LRRFIP2: variants seen among roughly 807,000 people sequenced by gnomAD.
LRRFIP2 encodes leucine-rich repeat flightless-interacting protein 2.
Under a neutral mutation model 125.9 loss-of-function variants are expected in LRRFIP2, and 109 were observed. The ratio of observed to expected loss-of-function variants is 0.87; its 90% CI spans 0.74 to 1.01. LRRFIP2 has a LOEUF of 1.01. Ranked by LOEUF, LRRFIP2 falls within the 50% of genes least tolerant of loss-of-function variation. The probability of loss-of-function intolerance (pLI) is 0.00; values close to 1 mark genes in which losing one functional copy is unlikely to be tolerated. For synonymous variants in LRRFIP2, 291 were observed against 293.1 expected (o/e 0.99, Z 0.07); for missense variants, 850 against 862.3 (o/e 0.99, Z 0.18).
intron 1 of LRRFIP2, among the ~76,000 whole-genome samples, chr3:37,165,837 G>GA (rs1406936035): frequency 6.9e-6 from 1 of 145,942 alleles, no homozygotes; most frequent in African/African-American, 2.5e-5. Context: ...AAGAAAGAAA[G>GA]AAAGAAAGAA....
chr3:37,165,797 G>GAAAGAAAGAAAA (rs1220788755), intron 1 of LRRFIP2, among the ~76,000 whole-genome samples: 7,181 of 31,424 alleles, frequency 0.23, 586 homozygotes, highest in African/African-American at 0.29. Context: ...GAAAGAAAGA[G>GAAAGAAAGAAAA]AAAGAAAGAA....
At chr3:37,140,628 G>A (rs1346196528) in intron 2 of LRRFIP2, among the ~76,000 whole-genome samples, 1 of 150,368 alleles carries the variant, frequency 6.7e-6, no homozygotes, top group Non-Finnish European at 1.5e-5. Flanking sequence ...GCTCTAATCT[G>A]GGAGACAGAA....
intron 13 of LRRFIP2, among the ~76,000 whole-genome samples, 192 bp from the exon 14 acceptor site, chr3:37,105,715 T>A (rs2094287814): frequency 6.6e-6 from 1 of 152,170 alleles, no homozygotes; most frequent in African/African-American, 2.4e-5. Flanking sequence ...TTATTAAAAA[T>A]CAGGAGACAT....
At chr3:37,095,857 G>A (rs1201434257) in intron 16 of LRRFIP2, among the ~76,000 whole-genome samples, 1 of 152,156 alleles carries the variant, frequency 6.6e-6, no homozygotes, top group East Asian at 1.9e-4. Flanking sequence ...GTGTTGGTCA[G>A]ACTGGTCTCG....
At chr3:37,155,325 T>A (rs2096152855) in intron 1 of LRRFIP2, among the ~76,000 whole-genome samples, 1 of 152,178 alleles carries the variant, frequency 6.6e-6, no homozygotes, top group Non-Finnish European at 1.5e-5. Context: ...AAAAAAGCAA[T>A]CCTTTTCATA....
chr3:37,139,139 C>T (rs1210719891), intron 2 of LRRFIP2, among the ~76,000 whole-genome samples: 3 of 138,904 alleles, frequency 2.2e-5, no homozygotes, highest in Admixed American at 7.5e-5. Context: ...GAACACTGCA[C>T]GATTTAAACA....
intron 1 of LRRFIP2, among the ~76,000 whole-genome samples, chr3:37,152,188 A>AC (rs1357448539): frequency 1.3e-5 from 2 of 152,232 alleles, no homozygotes; most frequent in African/African-American, 4.8e-5. Context: ...GCTGGAGGCC[A>AC]TTACTGTAAG....
At chr3:37,106,183 G>T (rs530456246) in intron 13 of LRRFIP2, among the ~76,000 whole-genome samples, 1 of 152,202 alleles carries the variant, frequency 6.6e-6, no homozygotes, top group African/African-American at 2.4e-5. Context: ...TATACTTAAT[G>T]TTTTTGTTTG....
At chr3:37,079,769 T>C (rs966046876) in intron 19 of LRRFIP2, among the ~76,000 whole-genome samples, 6 of 152,152 alleles carry the variant, frequency 3.9e-5, no homozygotes, top group African/African-American at 1.2e-4. Flanking sequence ...TATTGATACA[T>C]GGTATAACAT....
At chr3:37,116,710 T>C (rs1261647011) in intron 6 of LRRFIP2, among the ~76,000 whole-genome samples, 2 of 152,136 alleles carry the variant, frequency 1.3e-5, no homozygotes, top group Non-Finnish European at 1.5e-5. Context: ...ATTAAAATAA[T>C]AGTTCAGTCA....
rs749323030 is a variant in LRRFIP2, at chr3:37,148,937, C to T, written c.47G>A (p.Arg16Gln). The change falls in exon 2 of 28, where the codon CGA becomes CAA. Residue 16 changes from arginine (R) to glutamine (Q), a missense_variant. By Grantham distance (43) the Arg-to-Gln change is conservative (BLOSUM62 1). Coordinates refer to ENST00000336686, the MANE Select transcript of LRRFIP2 (RefSeq NM_006309.4). ...CAAAGCTTCATCTTCTGCAGAAAAT[C>T]GGTCTTTCACAGGTGTTCTTTTCCT... ...SGRKRTPVKD[R>Q]FSAEDEALSN... 1.1e-5 allele frequency: 18 copies of T among 1,614,058 alleles called. No homozygotes were observed. The highest frequency in any genetic ancestry group is 1.7e-4 in the Middle Eastern group (1 of 6,058).
At chr3:37,162,228 C>T (rs1471316691) in intron 1 of LRRFIP2, among the ~76,000 whole-genome samples, 2 of 150,758 alleles carry the variant, frequency 1.3e-5, no homozygotes, top group Admixed American at 6.6e-5. Flanking sequence ...AATAACTTCC[C>T]AGAAGTTAAG....
chr3:37,137,574 T>C (rs2095588997), intron 2 of LRRFIP2, among the ~76,000 whole-genome samples: 1 of 152,174 alleles, frequency 6.6e-6, no homozygotes, highest in Non-Finnish European at 1.5e-5. Context: ...GAGAACTAGA[T>C]AGGTAAATAA....
At chr3:37,117,533 G>GT (rs2094845577) in intron 6 of LRRFIP2, among the ~76,000 whole-genome samples, 2 of 151,954 alleles carry the variant, frequency 1.3e-5, no homozygotes, top group Non-Finnish European at 2.9e-5. Flanking sequence ...AGTGAAAATA[G>GT]TAAGGGCTCA....
chr3:37,053,160 A>C lies in LRRFIP2; in HGVS notation c.*691T>G, dbSNP rs2148549355. ...ACAAGGTACAGCACAGTTGTATTGA[A>C]GAAAAAAAGGACCCAACTCTTACTT... On this transcript the variant is annotated 3_prime_UTR_variant, in exon 28 of 28. Coordinates refer to ENST00000336686, the MANE Select transcript of LRRFIP2 (RefSeq NM_006309.4). 6.5e-6 allele frequency: 1 copy of C among 152,806 alleles called. No individual in the cohort carries two copies. The highest frequency in any genetic ancestry group is 1.9e-4 in the East Asian group (1 of 5,182). 9.5% of individuals were successfully genotyped at this position (152,806 alleles called of 1,614,324 possible).
chr3:37,066,158 A>T (rs886358587), intron 22 of LRRFIP2, 66 bp downstream of exon 22: 42 of 1,446,810 alleles, frequency 2.9e-5, no homozygotes, highest in Non-Finnish European at 3.7e-5. Flanking sequence ...AGATGGCAGG[A>T]TGAAAGGAAG....
At chr3:37,087,825 G>A (rs1300967811) in intron 18 of LRRFIP2, among the ~76,000 whole-genome samples, 2 of 151,348 alleles carry the variant, frequency 1.3e-5, no homozygotes, top group African/African-American at 2.5e-5. Flanking sequence ...CTGACCTCAG[G>A]TGATCCACCC....
chr3:37,126,806 C>T (rs1180947701), intron 4 of LRRFIP2, among the ~76,000 whole-genome samples: 1 of 151,040 alleles, frequency 6.6e-6, no homozygotes, highest in East Asian at 1.9e-4. Flanking sequence ...TTGCAGTGAG[C>T]TGAGATTGTG....
At chr3:37,139,769 A>G (rs2095646515) in intron 2 of LRRFIP2, among the ~76,000 whole-genome samples, 1 of 152,072 alleles carries the variant, frequency 6.6e-6, no homozygotes, top group Non-Finnish European at 1.5e-5. Flanking sequence ...TCTCTTCATC[A>G]TAACTAGGTT....
Sources: allele counts gnomAD v4.1 joint callset (sites outside exome capture counted in the v4.1 genomes callset), GRCh38; gene constraint gnomAD v4.1.1; transcripts MANE v1.5; gene names NCBI Gene and HGNC (gene_info 2026-07-23, HGNC 2026-07-21).